The following TCF12 variants were observed in gnomAD, a reference collection of about 807,000 sequenced individuals.
TCF12 encodes the protein transcription factor 12.
In TCF12, 45 loss-of-function variants were observed where a neutral mutation model predicts 86.0. The ratio of observed to expected loss-of-function variants is 0.52; its 90% CI spans 0.41 to 0.67. The LOEUF is 0.67. Ranked by LOEUF, TCF12 falls within the 30% of genes least tolerant of loss-of-function variation. The pLI is 0.00. For synonymous variants in TCF12, 330 were observed against 299.6 expected, an observed-to-expected ratio of 1.10 and a Z score of -1.05; for missense variants, 881 against 859.9, an observed-to-expected ratio of 1.02 and a Z score of -0.31.
intron 4 of TCF12, among the ~76,000 whole-genome samples, chr15:57,091,359 T>G (rs2048983006): frequency 1.3e-5 from 2 of 152,322 alleles, no homozygotes; most frequent in Admixed American, 1.3e-4. Context: ...AGGATAAAGA[T>G]AAGCATTTCC....
At chr15:57,216,992 T>C (rs1361943909) in intron 8 of TCF12, among the ~76,000 whole-genome samples, 1 of 151,930 alleles carries the variant, frequency 6.6e-6, no homozygotes, top group Non-Finnish European at 1.5e-5. Flanking sequence ...AGGCATAGAG[T>C]TTTGTTGTTG....
chr15:57,128,216 C>T (rs2051822691), intron 5 of TCF12, among the ~76,000 whole-genome samples: 1 of 152,160 alleles, frequency 6.6e-6, no homozygotes, highest in African/African-American at 2.4e-5. Context: ...TCCTACTGTA[C>T]ATCTATAAAC....
At chr15:57,000,839 G>T (rs1267680114) in intron 3 of TCF12, among the ~76,000 whole-genome samples, 2 of 151,664 alleles carry the variant, frequency 1.3e-5, no homozygotes, top group Non-Finnish European at 2.9e-5. Context: ...CCAGGGCTTG[G>T]CTCCTATTTC....
chr15:57,243,610 A>G (rs921997366), intron 13 of TCF12, 60 bp downstream of exon 13: 12 of 1,379,100 alleles, frequency 8.7e-6, no homozygotes, highest in Admixed American at 3.8e-5. Flanking sequence ...TTTCTAGTTC[A>G]TTTATTTCTC....
At chr15:57,034,008 AAGTAATATACAGTTC>A in intron 3 of TCF12, among the ~76,000 whole-genome samples, 1 of 152,300 alleles carries the variant, frequency 6.6e-6, no homozygotes, top group East Asian at 1.9e-4. Flanking sequence ...ATTGAGACAT[AAGTAATATACAGTTC>A]AGTTTAGTTT....
intron 8 of TCF12, among the ~76,000 whole-genome samples, chr15:57,217,312 C>G (rs2058373406): frequency 6.6e-6 from 1 of 152,002 alleles, no homozygotes; most frequent in African/African-American, 2.4e-5. Context: ...TACTATTTGG[C>G]TTTTACAGTG....
intron 5 of TCF12, among the ~76,000 whole-genome samples, chr15:57,157,716 C>G (rs1480907671): frequency 6.6e-6 from 1 of 151,964 alleles, no homozygotes; most frequent in African/African-American, 2.4e-5. Context: ...TTGTGCACCA[C>G]TACACCGAGC....
chr15:57,030,572 T>C (rs1356191084), intron 3 of TCF12, among the ~76,000 whole-genome samples: 2 of 152,186 alleles, frequency 1.3e-5, no homozygotes, highest in Non-Finnish European at 2.9e-5. Flanking sequence ...ATTTTGAAAG[T>C]AATCACGTTC....
chr15:57,037,815 G>A (rs764285339), intron 3 of TCF12, among the ~76,000 whole-genome samples: 1 of 152,116 alleles, frequency 6.6e-6, no homozygotes, highest in African/African-American at 2.4e-5. Context: ...TTAATTAGAT[G>A]TGGCAAAAAA....
At chr15:57,065,313 C>T (rs542630733) in intron 4 of TCF12, among the ~76,000 whole-genome samples, 3 of 152,138 alleles carry the variant, frequency 2.0e-5, no homozygotes, top group Non-Finnish European at 4.4e-5. Context: ...CTATTTTTGT[C>T]TTAGCTATTT....
chr15:57,125,683 C>T (rs1249012958), intron 5 of TCF12, among the ~76,000 whole-genome samples: 9 of 152,128 alleles, frequency 5.9e-5, no homozygotes. Flanking sequence ...AACATTAATA[C>T]TTGTGTTTTC....
At chr15:57,158,717 C>G (rs1436927520) in intron 5 of TCF12, among the ~76,000 whole-genome samples, 1 of 152,210 alleles carries the variant, frequency 6.6e-6, no homozygotes, top group Non-Finnish European at 1.5e-5. Flanking sequence ...TCACTGACCT[C>G]TATAGGGATC....
At chr15:57,231,027 T>A in intron 8 of TCF12, 125 bp from the exon 9 acceptor site, 1 of 623,380 alleles carries the variant, frequency 1.6e-6, no homozygotes, top group Non-Finnish European at 2.8e-6. Context: ...TTCTTTTCAT[T>A]TGTGGTAGCC....
intron 3 of TCF12, among the ~76,000 whole-genome samples, chr15:57,025,119 G>A (rs775232300): frequency 4.6e-5 from 7 of 151,594 alleles, no homozygotes; most frequent in African/African-American, 1.7e-4. Context: ...TCGCTCTGTC[G>A]CCCAGGCTGG....
At chr15:56,931,158 T>G (rs1263573006) in intron 3 of TCF12, among the ~76,000 whole-genome samples, 3 of 131,226 alleles carry the variant, frequency 2.3e-5, no homozygotes, top group Non-Finnish European at 4.6e-5. Flanking sequence ...TTCATCATTT[T>G]AAATACAGAA....
chr15:57,216,737 G>T (rs1480894561), intron 8 of TCF12, among the ~76,000 whole-genome samples: 1 of 152,000 alleles, frequency 6.6e-6, no homozygotes, highest in African/African-American at 2.4e-5. Flanking sequence ...GAGAAAAAAA[G>T]ATTTTATTAT....
chr15:57,146,054 G>A (rs1258659512), intron 5 of TCF12, among the ~76,000 whole-genome samples: 1 of 152,054 alleles, frequency 6.6e-6, no homozygotes, highest in African/African-American at 2.4e-5. Context: ...TTTTTTATGT[G>A]ACTTTTTATT....
chr15:57,006,001 T>A (rs549859066), intron 3 of TCF12, among the ~76,000 whole-genome samples: 2 of 152,234 alleles, frequency 1.3e-5, no homozygotes, highest in Non-Finnish European at 1.5e-5. Flanking sequence ...TGTATTTTAT[T>A]GGATATATTG....
At chr15:57,173,757 G>T (rs11636919) in intron 6 of TCF12, among the ~76,000 whole-genome samples, 57,283 of 151,052 alleles carry the variant, frequency 0.38, 13,544 homozygotes, top group Non-Finnish European at 0.53. Flanking sequence ...ACCCATGCTG[G>T]AGTGAAGTGG....
Sources: allele counts gnomAD v4.1 joint callset (sites outside exome capture counted in the v4.1 genomes callset), GRCh38; gene constraint gnomAD v4.1.1; transcripts MANE v1.5; gene names NCBI Gene and HGNC (gene_info 2026-07-23, HGNC 2026-07-21).